NDUFAF2: variants seen among roughly 807,000 people sequenced by gnomAD.
The protein encoded by NDUFAF2 is NADH dehydrogenase [ubiquinone] 1 alpha subcomplex assembly factor 2.
Under a neutral mutation model 22.8 loss-of-function variants are expected in NDUFAF2, and 13 were observed. That is an observed-to-expected ratio of 0.57 (90% CI 0.37 to 0.91). The LOEUF is 0.91. NDUFAF2 is among the 40% of genes least tolerant of loss of function. The pLI is 0.01. For synonymous variants in NDUFAF2, 53 were observed against 64.2 expected (o/e 0.83, Z 0.84); for missense variants, 162 against 195.2 (o/e 0.83, Z 1.01).
intron 3 of NDUFAF2, among the ~76,000 whole-genome samples, chr5:61,109,711 G>A (rs997504431): frequency 6.6e-6 from 1 of 152,132 alleles, no homozygotes; most frequent in Admixed American, 6.6e-5. Flanking sequence ...ATTCTCATGA[G>A]ATCTGATGGT....
chr5:61,081,638 C>A (rs1361050510), intron 2 of NDUFAF2, among the ~76,000 whole-genome samples: 3 of 152,100 alleles, frequency 2.0e-5, no homozygotes, highest in African/African-American at 7.2e-5. Context: ...ATCAAATGCC[C>A]AGACAAACCT....
At chr5:60,961,734 C>G (rs1413217676) in intron 1 of NDUFAF2, among the ~76,000 whole-genome samples, 1 of 149,148 alleles carries the variant, frequency 6.7e-6, no homozygotes, top group Non-Finnish European at 1.5e-5. Context: ...CCACCACACT[C>G]TAGCCTGGGC....
At chr5:61,033,806 A>G (rs1450727185) in intron 1 of NDUFAF2, among the ~76,000 whole-genome samples, 3 of 152,292 alleles carry the variant, frequency 2.0e-5, no homozygotes, top group Non-Finnish European at 4.4e-5. Context: ...CCTCAAACAA[A>G]AAAAAGTTGT....
intron 1 of NDUFAF2, among the ~76,000 whole-genome samples, chr5:61,027,298 C>CTT (rs150340157): frequency 7.4e-6 from 1 of 136,038 alleles, no homozygotes; most frequent in East Asian, 2.2e-4. Context: ...TACACGTGGA[C>CTT]TTTTTTTTTT....
chr5:60,975,920 A>G (rs1192142011), intron 1 of NDUFAF2, among the ~76,000 whole-genome samples: 2 of 152,240 alleles, frequency 1.3e-5, no homozygotes, highest in South Asian at 2.1e-4. Context: ...TAACATTGAC[A>G]GGAGCAGTTT....
intron 1 of NDUFAF2, among the ~76,000 whole-genome samples, chr5:61,024,704 C>T (rs893510203): frequency 9.9e-5 from 15 of 152,134 alleles, no homozygotes; most frequent in African/African-American, 3.4e-4. Flanking sequence ...GCTTTTATAT[C>T]CTGTTGAGAG....
chr5:61,133,093 T>C (rs1288437599), intron 3 of NDUFAF2, among the ~76,000 whole-genome samples: 3 of 152,196 alleles, frequency 2.0e-5, no homozygotes, highest in African/African-American at 7.2e-5. Flanking sequence ...CCAGTAGTCC[T>C]TCTGAGATGT....
chr5:60,973,571 G>A (rs1320146421), intron 1 of NDUFAF2, among the ~76,000 whole-genome samples: 2 of 152,148 alleles, frequency 1.3e-5, no homozygotes, highest in Non-Finnish European at 2.9e-5. Flanking sequence ...TGAGCTTTGC[G>A]AACCAAGGGA....
Position 61,008,091 on chromosome 5 carries a change from G to A in NDUFAF2, c.127+62709G>A, listed in dbSNP as rs574293445. Reference sequence around the variant, plus strand: ...ACCGCATCTTCTCACTCACAGGTGGGAATTGAACAATGAGAACACATGGAC... The same window carrying A: ...ACCGCATCTTCTCACTCACAGGTGGAAATTGAACAATGAGAACACATGGAC... On this transcript the variant is annotated intron_variant, in intron 1 of 3. Coordinates refer to ENST00000296597, the MANE Select transcript of NDUFAF2 (RefSeq NM_174889.5). Among the ~76,000 whole-genome samples the A allele has an allele frequency of 3.4e-3, 482 of 140,826 alleles. 3 individuals carry two copies. The highest frequency in any genetic ancestry group is 4.3e-3 in the Non-Finnish European group (288 of 66,642). The allele number at this position is 140,826 out of a possible 152,430, so 92.4% of individuals were successfully genotyped here.
intron 3 of NDUFAF2, among the ~76,000 whole-genome samples, chr5:61,136,039 A>ATATATATC (rs1367597510): frequency 1.6e-4 from 17 of 103,426 alleles, no homozygotes; most frequent in Admixed American, 9.9e-5. Context: ...ATATATATAT[A>ATATATATC]TATCTAGGGT....
chr5:60,973,930 A>C (rs1002867454), intron 1 of NDUFAF2, among the ~76,000 whole-genome samples: 1 of 152,168 alleles, frequency 6.6e-6, no homozygotes, highest in Non-Finnish European at 1.5e-5. Flanking sequence ...CAGCCTCCTG[A>C]GTAGCTGTGA....
chr5:61,113,015 G>A (rs1752865145), intron 3 of NDUFAF2, among the ~76,000 whole-genome samples: 1 of 151,904 alleles, frequency 6.6e-6, no homozygotes, highest in Admixed American at 6.6e-5. Context: ...AACAAACAGG[G>A]GAAGAGAAAA....
intron 1 of NDUFAF2, among the ~76,000 whole-genome samples, chr5:60,970,621 A>G (rs2112572486): frequency 6.6e-6 from 1 of 152,322 alleles, no homozygotes; most frequent in South Asian, 2.1e-4. Context: ...TTCCAAATAT[A>G]AGATCATATC....
chr5:60,985,650 G>A (rs534896098), intron 1 of NDUFAF2, among the ~76,000 whole-genome samples: 40 of 152,156 alleles, frequency 2.6e-4, no homozygotes, highest in African/African-American at 9.4e-4. Context: ...ATTTCGTTAT[G>A]TACCCAGTAG....
At chr5:61,072,775 G>A (rs1013193010) in intron 1 of NDUFAF2, among the ~76,000 whole-genome samples, 1 of 151,868 alleles carries the variant, frequency 6.6e-6, no homozygotes, top group African/African-American at 2.4e-5. Flanking sequence ...CTAATTTTTT[G>A]TATTTTAGTA....
intron 3 of NDUFAF2, among the ~76,000 whole-genome samples, chr5:61,104,947 T>C (rs1028279398): frequency 2.6e-5 from 4 of 152,170 alleles, no homozygotes; most frequent in African/African-American, 9.6e-5. Context: ...TTCAATTCTA[T>C]CTCTGTATTA....
At chr5:61,017,966 G>C (rs911841719) in intron 1 of NDUFAF2, among the ~76,000 whole-genome samples, 14 of 152,124 alleles carry the variant, frequency 9.2e-5, no homozygotes, top group African/African-American at 3.1e-4. Flanking sequence ...TGGCCAGGCT[G>C]ATCTTGAACT....
At chr5:60,984,846 T>C (rs1580080021) in intron 1 of NDUFAF2, among the ~76,000 whole-genome samples, 1 of 151,890 alleles carries the variant, frequency 6.6e-6, no homozygotes, top group East Asian at 1.9e-4. Context: ...GATGTTGGTG[T>C]AAAATTCTCT....
intron 3 of NDUFAF2, among the ~76,000 whole-genome samples, chr5:61,136,005 TTATATATATATATATATATATATATATA>T (rs57756292): frequency 1.0e-5 from 1 of 96,052 alleles, no homozygotes; most frequent in Non-Finnish European, 2.0e-5. Context: ...AAGCCTGTCT[TTATATATATATATATATATATATATATA>T]TATATATATC....
Sources: allele counts gnomAD v4.1 joint callset (sites outside exome capture counted in the v4.1 genomes callset), GRCh38; gene constraint gnomAD v4.1.1; transcripts MANE v1.5; gene names NCBI Gene and HGNC (gene_info 2026-07-23, HGNC 2026-07-21).